The following SLC25A51 variants were observed in gnomAD, a reference collection of about 807,000 sequenced individuals.
The protein encoded by SLC25A51 is solute carrier family 25 member 51.
Under a neutral mutation model 19.1 loss-of-function variants are expected in SLC25A51, and 11 were observed. The ratio of observed to expected loss-of-function variants is 0.58; its 90% CI spans 0.36 to 0.96. SLC25A51 has a LOEUF of 0.96. SLC25A51 is among the 40% of genes least tolerant of loss of function. The pLI is 0.01. For synonymous variants in SLC25A51, 105 were observed against 133.6 expected (o/e 0.79, Z 1.47); for missense variants, 201 against 365.4 (o/e 0.55, Z 3.67).
At chr9:37,881,011 A>G (rs1267309522) in intron 3 of SLC25A51, among the ~76,000 whole-genome samples, 3 of 152,162 alleles carry the variant, frequency 2.0e-5, no homozygotes, top group African/African-American at 7.2e-5. Context: ...ATGGATTTCA[A>G]TCCAAAACAG....
rs1198045408 is a variant in SLC25A51, at chr9:37,888,517, G to A, written c.34C>T (p.Pro12Ser). 4 of 1,611,390 alleles carry A rather than the reference G, an allele frequency of 2.5e-6. No homozygotes were observed. The highest frequency in any genetic ancestry group is 3.4e-6 in the Non-Finnish European group (4 of 1,178,760). The change falls in exon 3 of 3, where the codon CCA becomes TCA. Residue 12 changes from proline to serine, a missense_variant. Coordinates refer to ENST00000242275, the MANE Select transcript of SLC25A51 (RefSeq NM_033412.4). ...MDSEAHEKRP[P>S]ILTSSKQDIS... ...TCTTGTTTTGAAGATGTTAGTATTG[G>A]TGGCCTCTTTTCATGAGCTTCTGAA...
At chr9:37,879,199 G>C (rs982593950), downstream of SLC25A51, 5 of 278,862 alleles carry the variant, frequency 1.8e-5, no homozygotes, top group Non-Finnish European at 3.0e-5. Flanking sequence ...CAGTCGTACT[G>C]TATTTGTGGC....
At chr9:37,891,868 T>TTA (rs1361870108) in intron 2 of SLC25A51, among the ~76,000 whole-genome samples, 4,226 of 129,598 alleles carry the variant, frequency 0.033, 94 homozygotes, top group Non-Finnish European at 0.043. Flanking sequence ...AAAAAAAATT[T>TTA]TATATATATA....
At chr9:37,880,307 C>CAAAAAAAAAAAA (rs36123118) in exon 4 of SLC25A51, 1 of 104,756 alleles carries the variant, frequency 9.5e-6, no homozygotes, top group Non-Finnish European at 2.0e-5. Flanking sequence ...GACCACGTCT[C>CAAAAAAAAAAAA]AAAAAAAAAA....
At chr9:37,898,352 T>C (rs979151126) in intron 2 of SLC25A51, among the ~76,000 whole-genome samples, 9 of 152,102 alleles carry the variant, frequency 5.9e-5, no homozygotes, top group African/African-American at 9.7e-5. Context: ...GGTCAGGAGT[T>C]CAAGACCAGC....
chr9:37,889,030 T>C (rs949471280), intron 2 of SLC25A51, among the ~76,000 whole-genome samples: 1 of 152,350 alleles, frequency 6.6e-6, no homozygotes, highest in Middle Eastern at 3.4e-3. Flanking sequence ...TTAAAATTCA[T>C]ATTTTAATTT....
rs548238678 is a variant in SLC25A51 at position 37,891,285 on chromosome 9, C to T, written c.-42-2693G>A. On this transcript the variant is annotated intron_variant, in intron 2 of 2. Coordinates refer to ENST00000242275, the MANE Select transcript of SLC25A51 (RefSeq NM_033412.4). ...GCCGCCCCGTCCGGGAGGTGGGAGG[C>T]GCCTCTGCCCGGCAGCCCCTTCTGG... 1.3e-3 allele frequency among the ~76,000 whole-genome samples: 205 copies of T among 152,284 alleles called. 1 individual carries two copies. The highest frequency in any genetic ancestry group is 4.6e-3 in the African/African-American group (193 of 41,550).
chr9:37,895,886 T>C (rs1831704755), intron 2 of SLC25A51, among the ~76,000 whole-genome samples: 1 of 151,728 alleles, frequency 6.6e-6, no homozygotes, highest in Non-Finnish European at 1.5e-5. Flanking sequence ...TGATCTCGGC[T>C]CACTGCAACC....
chr9:37,892,833 G>A (rs905559906), intron 2 of SLC25A51, among the ~76,000 whole-genome samples: 1 of 151,870 alleles, frequency 6.6e-6, no homozygotes, highest in African/African-American at 2.4e-5. Context: ...TCTGCCTCCT[G>A]GGTTCAAGCG....
chr9:37,901,566 A>C (rs1221611640), intron 1 of SLC25A51, among the ~76,000 whole-genome samples: 1 of 152,146 alleles, frequency 6.6e-6, no homozygotes, highest in East Asian at 1.9e-4. Flanking sequence ...CAAAACTCTT[A>C]TTACTATTTA....
chr9:37,890,455 G>C (rs907897379), intron 2 of SLC25A51, among the ~76,000 whole-genome samples: 4 of 152,148 alleles, frequency 2.6e-5, no homozygotes, highest in African/African-American at 9.7e-5. Flanking sequence ...TGTCATCCCA[G>C]CACTTTGGAA....
intron 2 of SLC25A51, among the ~76,000 whole-genome samples, chr9:37,898,135 G>T (rs778911917): frequency 6.6e-6 from 1 of 152,212 alleles, no homozygotes; most frequent in Non-Finnish European, 1.5e-5. Context: ...TCCAGGCCAG[G>T]AGCAGTAGTT....
chr9:37,885,515 G>C (rs368751784), downstream of SLC25A51, among the ~76,000 whole-genome samples: 1 of 151,956 alleles, frequency 6.6e-6, no homozygotes, highest in Non-Finnish European at 1.5e-5. Flanking sequence ...TCAGCCTCCC[G>C]AGTAGCTAGG....
At chr9:37,900,285 C>G (rs1041031977) in intron 1 of SLC25A51, among the ~76,000 whole-genome samples, 3 of 151,950 alleles carry the variant, frequency 2.0e-5, no homozygotes, top group Non-Finnish European at 4.4e-5. Flanking sequence ...CCCATCTCTA[C>G]GAAAAATCCA....
At chr9:37,886,240 T>C, downstream of SLC25A51, 2 of 1,605,392 alleles carry the variant, frequency 1.2e-6, no homozygotes, top group South Asian at 1.1e-5. Context: ...GGACCTTCTC[T>C]GAGGAGAATG....
At chr9:37,887,091 T>G (rs907899858), downstream of SLC25A51, among the ~76,000 whole-genome samples, 3 of 150,540 alleles carry the variant, frequency 2.0e-5, no homozygotes, top group Non-Finnish European at 4.4e-5. Context: ...CCGAGGCGGG[T>G]GGATCACGAG....
downstream of SLC25A51, chr9:37,878,083 G>A (rs74426500): frequency 0.12 from 18,375 of 155,236 alleles, 1,180 homozygotes; most frequent in Non-Finnish European, 0.15. Context: ...CTCAGCATGG[G>A]TGCAACTTTC....
At chr9:37,891,158 G>A (rs1831574411) in intron 2 of SLC25A51, among the ~76,000 whole-genome samples, 1 of 152,210 alleles carries the variant, frequency 6.6e-6, no homozygotes, top group South Asian at 2.1e-4. Context: ...TAAGACTACA[G>A]ATTAAGAAAA....
intron 2 of SLC25A51, among the ~76,000 whole-genome samples, chr9:37,882,324 T>C (rs1394199320): frequency 1.3e-5 from 2 of 152,238 alleles, no homozygotes; most frequent in Non-Finnish European, 2.9e-5. Context: ...ACTGAACCAG[T>C]GTTCGTTCAA....
Sources: gnomAD v4.1 joint callset for allele counts (sites outside exome capture counted in the v4.1 genomes callset) on GRCh38, gnomAD v4.1.1 for gene constraint, MANE v1.5 for transcripts, NCBI Gene and HGNC (gene_info 2026-07-23, HGNC 2026-07-21) for gene names.